ALDH18A1: variants seen among roughly 807,000 people sequenced by gnomAD.
ALDH18A1 encodes aldehyde dehydrogenase 18 family member A1, also known as delta-1-pyrroline-5-carboxylate synthase.
Under a neutral mutation model 88.8 loss-of-function variants are expected in ALDH18A1, and 44 were observed. That is an observed-to-expected ratio of 0.50 (90% CI 0.39 to 0.64). The LOEUF (loss-of-function observed/expected upper bound fraction) is 0.64, where lower values mean the gene tolerates loss of function less well. Among genes scored for constraint, ALDH18A1 ranks in the 30% least tolerant of loss-of-function variants. The pLI is 0.00. For missense variants in ALDH18A1, 782 were observed against 1,009.5 expected, an observed-to-expected ratio of 0.77 and a Z score of 3.05; for synonymous variants, 331 against 372.1, an observed-to-expected ratio of 0.89 and a Z score of 1.27.
At chr10:95,652,236 C>T (rs748572161) in intron 2 of ALDH18A1, among the ~76,000 whole-genome samples, 4 of 152,172 alleles carry the variant, frequency 2.6e-5, no homozygotes, top group Non-Finnish European at 4.4e-5. Flanking sequence ...AGGACAGTGG[C>T]TGTTAAAGAG....
chr10:95,653,488 G>T, intron 1 of ALDH18A1, 83 bp from the exon 2 acceptor site: 1 of 1,197,924 alleles, frequency 8.3e-7, no homozygotes. Context: ...CCTTACCCTC[G>T]GAGTAAAAAT....
At chr10:95,620,804 G>C (rs572941950) in intron 12 of ALDH18A1, among the ~76,000 whole-genome samples, 4 of 151,534 alleles carry the variant, frequency 2.6e-5, no homozygotes, top group African/African-American at 9.7e-5. Context: ...GTGGGGGACT[G>C]GGGGAGGGAT....
rs2097863486 is a variant in ALDH18A1 at position 95,628,484 on chromosome 10, CA to C, written c.816del (p.Phe272LeufsTer24). 2 of 1,613,258 alleles carry C rather than the reference CA, an allele frequency of 1.2e-6. No individual in the cohort carries two copies. The highest frequency in any genetic ancestry group is 8.5e-7 in the Non-Finnish European group (1 of 1,179,912). ...GCATCATCTGAACCTGGGGGGCTGT[CA>C]AAAAGGCCTAAAAAATAGACAAGAG... ...LIVLSDVEGL[F>X]DSPPGSDDAK... On this transcript the variant is annotated frameshift_variant, in exon 8 of 18. Transcript: ENST00000371224. LOFTEE classifies it high-confidence loss of function.
chr10:95,621,269 G>A lies in ALDH18A1; in HGVS notation c.1247-18C>T, dbSNP rs746165671. The A allele has an allele frequency of 6.2e-7, 1 of 1,602,676 alleles. No homozygotes were observed. Among genetic ancestry groups the A allele is most frequent in the Non-Finnish European group, 8.5e-7 (1 of 1,173,850 alleles). On this transcript the variant is annotated intron_variant, in intron 11 of 17. Transcript: ENST00000371224. ...AAGTCTCCCTGAAAAGCCATTAAGA[G>A]GATATGATAAAGTAGCAGACCTGGC...
At chr10:95,633,684 G>A (rs1258052355) in intron 5 of ALDH18A1, 35 bp from the exon 6 acceptor site, 2 of 1,610,922 alleles carry the variant, frequency 1.2e-6, no homozygotes, top group East Asian at 4.5e-5. Context: ...ATGCATGAGG[G>A]AGAAAAACGC....
At chr10:95,611,501 A>AG in intron 15 of ALDH18A1, 59 bp from the exon 16 acceptor site, 1 of 1,585,194 alleles carries the variant, frequency 6.3e-7, no homozygotes, top group Admixed American at 1.7e-5. Context: ...AGCAAGTTCT[A>AG]GGATAGAACA....
At chr10:95,607,027 C>T in intron 17 of ALDH18A1, 84 bp from the exon 18 acceptor site, 2 of 1,385,680 alleles carry the variant, frequency 1.4e-6, no homozygotes, top group South Asian at 1.2e-5. Flanking sequence ...GCTGCTTTCC[C>T]CTCACTTGGT....
intron 12 of ALDH18A1, among the ~76,000 whole-genome samples, chr10:95,616,975 G>A (rs1008663214): frequency 2.6e-5 from 4 of 152,172 alleles, no homozygotes; most frequent in African/African-American, 7.2e-5. Flanking sequence ...GGCCAGGTAT[G>A]GTGGCTCACG....
chr10:95,655,526 A>G (rs1347405046), intron 1 of ALDH18A1, among the ~76,000 whole-genome samples: 1 of 145,410 alleles, frequency 6.9e-6, no homozygotes, highest in Admixed American at 7.1e-5. Context: ...GAGTCATTGA[A>G]AGCTCTGAAC....
rs185344711 is a variant in ALDH18A1, at chr10:95,646,797, G to C, written c.89-3591C>G. On this transcript the variant is annotated intron_variant, in intron 2 of 17. Transcript: ENST00000371224. Reference sequence around the variant, plus strand: ...GGTATGAGGGCATACTGAAGTGTATGTGTGTACAGATGTGGCATGGTGGGG... The same window carrying C: ...GGTATGAGGGCATACTGAAGTGTATCTGTGTACAGATGTGGCATGGTGGGG... Among the ~76,000 whole-genome samples, 240 of 152,298 alleles carry C rather than the reference G, an allele frequency of 1.6e-3. 2 individuals carry two copies. The highest frequency in any genetic ancestry group is 4.1e-3 in the Admixed American group (63 of 15,290).
chr10:95,624,012 A>G (rs963293660), intron 11 of ALDH18A1, among the ~76,000 whole-genome samples: 3 of 149,832 alleles, frequency 2.0e-5, no homozygotes, highest in Non-Finnish European at 3.0e-5. Flanking sequence ...TAATTTTTGT[A>G]TTTTTATTAG....
At chr10:95,627,726 T>C in intron 8 of ALDH18A1, 140 bp from the exon 9 acceptor site, 1 of 1,097,136 alleles carries the variant, frequency 9.1e-7, no homozygotes, top group Non-Finnish European at 1.3e-6. Context: ...GCTTAGAAGC[T>C]CTGAAAACAC....
In ALDH18A1 at chr10:95,614,101, T is replaced by A; in HGVS notation, c.1666A>T (p.Ile556Phe). ...ACCAGCTGGGAAGAGCCACGTGGAA[T>A]GATCAGATCTATCATTTTGTCTAGG... ...CRLDKMIDLIIPRGSSQLVRD... is the reference protein window; with the variant it reads ...CRLDKMIDLIFPRGSSQLVRD... Residue 556 changes from isoleucine (I) to phenylalanine (F), a missense_variant, in exon 14 of 18, where the codon ATT (isoleucine) becomes TTT (phenylalanine). By Grantham distance (21) the Ile-to-Phe change is conservative. Transcript: ENST00000371224. 1 of 1,614,206 alleles carries A rather than the reference T, an allele frequency of 6.2e-7. No individual in the cohort carries two copies. The highest frequency in any genetic ancestry group is 8.5e-7 in the Non-Finnish European group (1 of 1,180,034).
At chr10:95,607,056 C>T in intron 17 of ALDH18A1, 113 bp from the exon 18 acceptor site, 1 of 1,073,210 alleles carries the variant, frequency 9.3e-7, no homozygotes, top group Non-Finnish European at 1.4e-6. Flanking sequence ...TTCCTGCTAA[C>T]TCCTCATCCA....
At chr10:95,637,546 T>C in intron 3 of ALDH18A1, 110 bp from the exon 4 acceptor site, 6 of 1,299,692 alleles carry the variant, frequency 4.6e-6, no homozygotes, top group Non-Finnish European at 6.5e-6. Flanking sequence ...AATGCTGGTT[T>C]ATGAACCAGC....
chr10:95,647,118 A>G (rs2097902568), intron 2 of ALDH18A1, among the ~76,000 whole-genome samples: 1 of 152,166 alleles, frequency 6.6e-6, no homozygotes, highest in Admixed American at 6.5e-5. Flanking sequence ...CGTTCCAGAA[A>G]AATCCAAATC....
Position 95,621,132 on chromosome 10 carries a change from G to A in ALDH18A1, c.1366C>T (p.Arg456Cys), listed in dbSNP as rs763868475. 4.0e-5 allele frequency: 64 copies of A among 1,613,832 alleles called. No homozygotes were observed. Among genetic ancestry groups the A allele is most frequent in the East Asian group, 8.9e-5 (4 of 44,864 alleles). Residue 456 changes from arginine (R) to cysteine (C), a missense_variant, in exon 12 of 18, where the codon CGC (arginine) becomes TGC (cysteine). Coordinates refer to ENST00000371224, the MANE Select transcript of ALDH18A1 (RefSeq NM_002860.4). ...AAGTTTTTGGCGATTCGGGTGCGGC[G>A]CAAAACACGTCCCACGCTGTCCTGG... ...SSQDSVGRVL[R>C]RTRIAKNLEL...
In ALDH18A1 at chr10:95,637,441, G is replaced by A. The variant is rs1361163469; in HGVS notation, c.304-5C>T. On this transcript the variant is annotated splice_polypyrimidine_tract_variant and splice_region_variant and intron_variant, in intron 3 of 17. Transcript: ENST00000371224. ...CTGATTCTGCAGCACTGATACCTGG[G>A]CATTGAGAAAGGAAAGGGGACTGTA... 1.9e-6 allele frequency: 3 copies of A among 1,614,030 alleles called. No homozygotes were observed. Among genetic ancestry groups the A allele is most frequent in the Non-Finnish European group, 8.5e-7 (1 of 1,180,024 alleles).
intron 2 of ALDH18A1, among the ~76,000 whole-genome samples, chr10:95,652,382 G>GAATTT (rs2097911715): frequency 6.6e-6 from 1 of 152,168 alleles, no homozygotes. Context: ...AATTGCAAGT[G>GAATTT]AATTTATAAT....
Sources: gnomAD v4.1 joint callset for allele counts (sites outside exome capture counted in the v4.1 genomes callset) on GRCh38, gnomAD v4.1.1 for gene constraint, MANE v1.5 for transcripts, NCBI Gene and HGNC (gene_info 2026-07-23, HGNC 2026-07-21) for gene names.